The following SDE2 variants were observed in gnomAD, a reference collection of about 807,000 sequenced individuals.
SDE2 encodes the protein splicing regulator SDE2.
Under a neutral mutation model 46.9 loss-of-function variants are expected in SDE2, and 31 were observed. That is an observed-to-expected ratio of 0.66 (90% CI 0.50 to 0.89). SDE2 has a LOEUF of 0.89. SDE2 is among the 40% of genes least tolerant of loss of function. The pLI is 0.00. For missense variants in SDE2, 542 were observed against 564.4 expected (o/e 0.96, Z 0.40); for synonymous variants, 205 against 204.3 (o/e 1.00, Z -0.03).
intron 6 of SDE2, 47 bp from the exon 7 acceptor site, chr1:225,985,570 G>A (rs1277778245): frequency 1.7e-6 from 2 of 1,186,892 alleles, no homozygotes; most frequent in Admixed American, 1.8e-5. Context: ...TCCTTCCTCT[G>A]AATAAAGACT....
intron 2 of SDE2, 93 bp downstream of exon 2, chr1:225,995,173 C>T: frequency 4.3e-6 from 3 of 698,232 alleles, no homozygotes. Context: ...AATACCATGG[C>T]TAAAGACAGC....
chr1:225,988,672 T>A (rs567210837), intron 5 of SDE2, among the ~76,000 whole-genome samples: 1 of 152,094 alleles, frequency 6.6e-6, no homozygotes, highest in Non-Finnish European at 1.5e-5. Context: ...GAGGTTGCGG[T>A]GAGACGAGAT....
At position 225,985,283 on chromosome 1, in the gene SDE2, G is replaced by GA; in HGVS notation, c.*18dup. ...AATGGTAGACACTATAAACAAATAG[G>GA]AATCAGCTCTGATGATACTCATTTT... On this transcript the variant is annotated 3_prime_UTR_variant, in exon 7 of 7. Transcript: ENST00000272091. 2 of 1,572,870 alleles carry GA rather than the reference G, an allele frequency of 1.3e-6. No homozygotes were observed. The highest frequency in any genetic ancestry group is 1.8e-6 in the Non-Finnish European group (2 of 1,142,388).
Position 225,992,903 on chromosome 1 carries a change from T to C in SDE2, c.338A>G (p.Asn113Ser), listed in dbSNP as rs765991841. The C allele has an allele frequency of 7.5e-6, 12 of 1,603,822 alleles. No individual in the cohort carries two copies. Among genetic ancestry groups the C allele is most frequent in the African/African-American group, 2.7e-5 (2 of 74,716 alleles). ...GTGGGCATCTTACGCTTTTTCATGA[T>C]TGACATCGCGTAGTCTCCTTCCACT... is the stretch of plus-strand genomic sequence containing the variant. ...DLSGRRLRDV[N>S]HEKAMAEWVK... Residue 113 changes from asparagine (N) to serine (S), a missense_variant, in exon 3 of 7, where the codon AAT (asparagine) becomes AGT (serine). This residue lies in a region of SDE2 where 401 missense variants were observed against 437.8 expected (regional missense o/e 0.92). Coordinates refer to ENST00000272091, the MANE Select transcript of SDE2 (RefSeq NM_152608.4).
At chr1:225,985,547 A>AT (rs1286706530) in intron 6 of SDE2, 24 bp from the exon 7 acceptor site, 1 of 1,421,916 alleles carries the variant, frequency 7.0e-7, no homozygotes, top group East Asian at 2.3e-5. Context: ...ATAAGAAAAT[A>AT]TTTAAAACAG....
Position 225,985,250 on chromosome 1 carries a change from A to T in SDE2, c.*52T>A. On this transcript the variant is annotated 3_prime_UTR_variant, in exon 7 of 7. Transcript: ENST00000272091. ...TACTGGTCAAGAGTCCACATTATGC[A>T]GGTTGTAAATGGTAGACACTATAAA... 7.3e-7 allele frequency: 1 copy of T among 1,373,096 alleles called. No homozygotes were observed. The highest frequency in any genetic ancestry group is 1.0e-6 in the Non-Finnish European group (1 of 960,846). 85.1% of individuals were successfully genotyped at this position (1,373,096 alleles called of 1,614,324 possible). A position where few individuals can be genotyped will look rare whatever the true frequency, so the allele number is the denominator to read the frequency against.
In SDE2 at chr1:225,982,786, TATGAC is replaced by T. The variant is rs1250715053; in HGVS notation, c.*2511_*2515del. The T allele has an allele frequency of 6.6e-6, 1 of 152,102 alleles. No individual in the cohort carries two copies. Among genetic ancestry groups the T allele is most frequent in the Non-Finnish European group, 1.5e-5 (1 of 68,006 alleles). The allele number at this position is 152,102 out of a possible 1,614,324, so 9.4% of individuals were successfully genotyped here. On this transcript the variant is annotated 3_prime_UTR_variant, in exon 7 of 7. Transcript: ENST00000272091. The stretch of plus-strand genomic sequence containing the variant: ...ATTATTTAAAGCAGAAATTGTAACT[TATGAC>T]AGGACTTACAATATTTAAATATGTA...
intron 6 of SDE2, among the ~76,000 whole-genome samples, chr1:225,986,185 C>T (rs372935559): frequency 3.9e-4 from 59 of 151,894 alleles, no homozygotes; most frequent in African/African-American, 1.4e-3. Context: ...AAAAATTAGC[C>T]GGGTGTGGTG....
At chr1:225,989,493 G>A (rs1656346181) in intron 5 of SDE2, among the ~76,000 whole-genome samples, 1 of 151,708 alleles carries the variant, frequency 6.6e-6, no homozygotes, top group South Asian at 2.1e-4. Context: ...GCCGGGTGTG[G>A]TGGCACATGG....
intron 4 of SDE2, among the ~76,000 whole-genome samples, 183 bp from the exon 5 acceptor site, chr1:225,991,546 TAGGAGC>T (rs1463989430): frequency 1.3e-5 from 2 of 150,598 alleles, no homozygotes; most frequent in African/African-American, 5.0e-5. Flanking sequence ...CATTCTAGTC[TAGGAGC>T]AGATTTTTTA....
chr1:225,992,870 A>T (rs761783300), intron 3 of SDE2, 21 bp downstream of exon 3: 38 of 1,407,444 alleles, frequency 2.7e-5, no homozygotes, highest in Non-Finnish European at 3.7e-5. Flanking sequence ...TCAAAAACAC[A>T]AAAAAAGGTG....
At position 225,995,223 on chromosome 1, in the gene SDE2, C is replaced by T. The variant is rs1373938054; in HGVS notation, c.238+43G>A. 9 of 953,902 alleles carry T rather than the reference C, an allele frequency of 9.4e-6. No individual in the cohort carries two copies. The South Asian group carries it at 9.5e-5, about 10-fold the overall frequency. 59.1% of individuals were successfully genotyped at this position (953,902 alleles called of 1,614,324 possible). ...GAATATGAAAATAAATGAATAAAGA[C>T]TGCAAATGTGTTACAACTAAGTAGT... is the stretch of plus-strand genomic sequence containing the variant. On this transcript the variant is annotated intron_variant, in intron 2 of 6. Transcript: ENST00000272091.
Position 225,988,405 on chromosome 1 carries a change from A to G in SDE2, c.642-17T>C. ...ATGCCCAACCTGTCAGAAGCAACAGAAAGGTTTAACAGCGTTTGTAGCTTC... is the reference window on the plus strand; with the variant it reads ...ATGCCCAACCTGTCAGAAGCAACAGGAAGGTTTAACAGCGTTTGTAGCTTC... On this transcript the variant is annotated splice_polypyrimidine_tract_variant and intron_variant, in intron 5 of 6. Transcript: ENST00000272091. 1.2e-6 allele frequency: 2 copies of G among 1,612,930 alleles called. No individual in the cohort carries two copies. The highest frequency in any genetic ancestry group is 1.7e-6 in the Non-Finnish European group (2 of 1,179,144).
Position 225,984,469 on chromosome 1 carries a change from A to G in SDE2, c.*833T>C, listed in dbSNP as rs1018551222. The G allele has an allele frequency of 2.0e-5, 3 of 152,270 alleles. No homozygotes were observed. The East Asian group carries it at 5.8e-4, about 29-fold the overall frequency. The allele number at this position is 152,270 out of a possible 1,614,324, so 9.4% of individuals were successfully genotyped here. A position where few individuals can be genotyped will look rare whatever the true frequency, so the allele number is the denominator to read the frequency against. On this transcript the variant is annotated 3_prime_UTR_variant, in exon 7 of 7. Coordinates refer to ENST00000272091, the MANE Select transcript of SDE2 (RefSeq NM_152608.4). ...AGAAGAAAGAAAATAACAGAAATTAATTATATAAACAATTGAGAAAAATAA... is the reference window on the plus strand; with the variant it reads ...AGAAGAAAGAAAATAACAGAAATTAGTTATATAAACAATTGAGAAAAATAA...
chr1:225,990,088 A>AC lies in SDE2; in HGVS notation c.641+1154_641+1155insG, dbSNP rs550009644. ...AGGAACCTGTCTCAAAAAAAAAAAAAACACACACAAAAAAAACACCCATGC... is the reference window on the plus strand; with the variant it reads ...AGGAACCTGTCTCAAAAAAAAAAAAACACACACACAAAAAAAACACCCATGC... On this transcript the variant is annotated intron_variant, in intron 5 of 6. Transcript: ENST00000272091. Among the ~76,000 whole-genome samples, 261 of 151,836 alleles carry AC rather than the reference A, an allele frequency of 1.7e-3. 3 individuals are homozygous for AC. The highest frequency in any genetic ancestry group is 4.8e-3 in the African/African-American group (197 of 41,442).
chr1:225,989,861 C>T (rs1656358339), intron 5 of SDE2, among the ~76,000 whole-genome samples: 1 of 151,852 alleles, frequency 6.6e-6, no homozygotes, highest in South Asian at 2.1e-4. Context: ...GGATCACCTG[C>T]TCAGGAGTTT....
rs1656188272 is a variant in SDE2, at chr1:225,982,993, ATAGC to A, written c.*2305_*2308del. 4 of 152,318 alleles carry A rather than the reference ATAGC, an allele frequency of 2.6e-5. No homozygotes were observed. Among genetic ancestry groups the A allele is most frequent in the African/African-American group, 9.6e-5 (4 of 41,594 alleles). 9.4% of individuals were successfully genotyped at this position (152,318 alleles called of 1,614,324 possible). A position where few individuals can be genotyped will look rare whatever the true frequency, so the allele number is the denominator to read the frequency against. On this transcript the variant is annotated 3_prime_UTR_variant, in exon 7 of 7. Coordinates refer to ENST00000272091, the MANE Select transcript of SDE2 (RefSeq NM_152608.4). ...AACTTAAAAAAATTATTAAAACAGT[ATAGC>A]TAAAGAGCCAATAAATTAAAATACA...
Position 225,992,542 on chromosome 1 carries a change from C to T in SDE2, c.376G>A (p.Ala126Thr). Residue 126 changes from alanine to threonine, a missense_variant, in exon 4 of 7, where the codon GCC becomes ACC. Ala to Thr is a moderately conservative substitution (Grantham distance 58). Coordinates refer to ENST00000272091, the MANE Select transcript of SDE2 (RefSeq NM_152608.4). ...TGCTCCTTTTCAGCCTCTCGCTCGGCTTGTTGTTTTACCCATTCAGCCATT... is the reference window on the plus strand; with the variant it reads ...TGCTCCTTTTCAGCCTCTCGCTCGGTTTGTTGTTTTACCCATTCAGCCATT... ...KAMAEWVKQQ[A>T]EREAEKEQKR... 6.2e-7 allele frequency: 1 copy of T among 1,609,804 alleles called. No individual in the cohort carries two copies. The highest frequency in any genetic ancestry group is 8.5e-7 in the Non-Finnish European group (1 of 1,179,642).
Position 225,988,172 on chromosome 1 carries a change from C to T in SDE2, c.858G>A (p.Val286=). The change falls in exon 6 of 7, where the codon GTG becomes GTA. Residue 286 remains valine (V), a synonymous_variant. Coordinates refer to ENST00000272091, the MANE Select transcript of SDE2 (RefSeq NM_152608.4). ...CTAAAATATGCCTCCCAGAGTCAGT[C>T]ACCGGGATCTGCAGTTGTTCTGGTG... The part of the protein sequence containing the change: ...HGSPEQLQIP[V]TDSGRHILED... The T allele has an allele frequency of 6.2e-7, 1 of 1,614,196 alleles. No individual in the cohort carries two copies. Among genetic ancestry groups the T allele is most frequent in the Non-Finnish European group, 8.5e-7 (1 of 1,180,032 alleles).
Sources: allele counts gnomAD v4.1 joint callset (sites outside exome capture counted in the v4.1 genomes callset), GRCh38; gene constraint gnomAD v4.1.1; regional missense constraint gnomAD v4.1.1; transcripts MANE v1.5; gene names NCBI Gene and HGNC (gene_info 2026-07-23, HGNC 2026-07-21).